The following RALYL variants were observed in gnomAD, a reference collection of about 807,000 sequenced individuals.
RALYL encodes the protein RNA-binding Raly-like protein.
In RALYL, 29 loss-of-function variants were observed where a neutral mutation model predicts 35.1. The ratio of observed to expected loss-of-function variants is 0.83; its 90% CI spans 0.61 to 1.13. The LOEUF (loss-of-function observed/expected upper bound fraction) is 1.13, where lower values mean the gene tolerates loss of function less well. RALYL is among the 50% of genes most tolerant of loss of function. The pLI, the probability that RALYL is intolerant of heterozygous loss-of-function variation, is 0.00. For missense variants in RALYL, 359 were observed against 360.4 expected (o/e 1.00, Z 0.03); for synonymous variants, 120 against 127.6 (o/e 0.94, Z 0.40).
intron 1 of RALYL, among the ~76,000 whole-genome samples, chr8:84,386,717 A>C (rs16912776): frequency 0.028 from 4,289 of 151,898 alleles, 197 homozygotes; most frequent in African/African-American, 0.097. Context: ...TCCATTGACT[A>C]CATATCATCT....
chr8:84,712,332 C>A (rs760426049), intron 2 of RALYL, among the ~76,000 whole-genome samples: 1 of 152,054 alleles, frequency 6.6e-6, no homozygotes, highest in Non-Finnish European at 1.5e-5. Flanking sequence ...GATAACACCC[C>A]GATACAGATT....
At chr8:84,737,498 A>G (rs1223989760) in intron 2 of RALYL, among the ~76,000 whole-genome samples, 3 of 151,980 alleles carry the variant, frequency 2.0e-5, no homozygotes, top group Non-Finnish European at 4.4e-5. Flanking sequence ...GACTAGTGCT[A>G]TTGGGGGAAC....
intron 1 of RALYL, among the ~76,000 whole-genome samples, chr8:84,506,546 G>A (rs1334343989): frequency 1.3e-5 from 2 of 152,086 alleles, no homozygotes; most frequent in Middle Eastern, 3.4e-3. Context: ...GCTTGGAAAT[G>A]TATTTAGTTG....
intron 2 of RALYL, among the ~76,000 whole-genome samples, chr8:84,741,425 G>A (rs1171005768): frequency 6.6e-6 from 1 of 152,048 alleles, no homozygotes; most frequent in African/African-American, 2.4e-5. Flanking sequence ...CATGGCCCTG[G>A]AGGTTGGGAA....
chr8:84,517,138 A>G (rs1230856881), intron 1 of RALYL, among the ~76,000 whole-genome samples: 1 of 152,116 alleles, frequency 6.6e-6, no homozygotes, highest in African/African-American at 2.4e-5. Flanking sequence ...TAAAATATAC[A>G]CTCCAGTTGA....
chr8:84,488,106 G>A (rs577175431), intron 1 of RALYL, among the ~76,000 whole-genome samples: 9 of 152,134 alleles, frequency 5.9e-5, no homozygotes, highest in African/African-American at 1.7e-4. Context: ...AATTTATCAT[G>A]AGATGATTTA....
intron 1 of RALYL, among the ~76,000 whole-genome samples, chr8:84,185,515 G>A (rs1812305466): frequency 6.6e-6 from 1 of 152,058 alleles, no homozygotes. Flanking sequence ...AGCCTTTTCT[G>A]TATTTAACAC....
chr8:84,448,066 A>G (rs935135521), intron 1 of RALYL, among the ~76,000 whole-genome samples: 2 of 152,052 alleles, frequency 1.3e-5, no homozygotes, highest in Non-Finnish European at 2.9e-5. Flanking sequence ...TTGTCATAAC[A>G]TATAGTTAAA....
At chr8:84,531,238 G>T (rs1198295119) in intron 2 of RALYL, among the ~76,000 whole-genome samples, 1 of 152,076 alleles carries the variant, frequency 6.6e-6, no homozygotes, top group Non-Finnish European at 1.5e-5. Context: ...TAAGAATATT[G>T]TGAATATTAT....
chr8:84,405,972 C>A (rs1469659014), intron 1 of RALYL, among the ~76,000 whole-genome samples: 1 of 147,472 alleles, frequency 6.8e-6, no homozygotes. Context: ...TGGATAATTA[C>A]CATAATCTAG....
At chr8:84,368,830 T>A (rs781114627) in intron 1 of RALYL, among the ~76,000 whole-genome samples, 5 of 152,086 alleles carry the variant, frequency 3.3e-5, no homozygotes, top group Non-Finnish European at 7.4e-5. Flanking sequence ...CCAAACCATA[T>A]CAGTCAGCAA....
At chr8:84,494,990 A>G in intron 1 of RALYL, among the ~76,000 whole-genome samples, 1 of 152,138 alleles carries the variant, frequency 6.6e-6, no homozygotes, top group Middle Eastern at 3.2e-3. Context: ...TTCAAAGGGA[A>G]TGCTTTCAGC....
At chr8:84,246,245 C>T (rs749363728) in intron 1 of RALYL, among the ~76,000 whole-genome samples, 24 of 152,040 alleles carry the variant, frequency 1.6e-4, no homozygotes, top group Non-Finnish European at 2.6e-4. Flanking sequence ...ATTACTTTTC[C>T]CCCACTTTCA....
intron 2 of RALYL, among the ~76,000 whole-genome samples, chr8:84,603,305 A>G (rs1423264186): frequency 2.0e-5 from 3 of 151,970 alleles, no homozygotes; most frequent in African/African-American, 7.2e-5. Context: ...GCTTGCTATT[A>G]TTATTGTTGT....
chr8:84,291,072 C>T (rs1365308696), intron 1 of RALYL, among the ~76,000 whole-genome samples: 1 of 152,034 alleles, frequency 6.6e-6, no homozygotes, highest in Non-Finnish European at 1.5e-5. Flanking sequence ...TGAAATGAAA[C>T]CCTACAAGCT....
intron 1 of RALYL, among the ~76,000 whole-genome samples, chr8:84,221,313 G>C (rs1822153561): frequency 1.3e-5 from 2 of 151,894 alleles, no homozygotes; most frequent in African/African-American, 4.8e-5. Flanking sequence ...GCATGTGCGT[G>C]CAAAGAGAAA....
At chr8:84,749,877 A>G (rs1243935598) in intron 2 of RALYL, among the ~76,000 whole-genome samples, 1 of 152,194 alleles carries the variant, frequency 6.6e-6, no homozygotes, top group Non-Finnish European at 1.5e-5. Flanking sequence ...AGGGAAGATG[A>G]GCTCTGGGCT....
intron 1 of RALYL, among the ~76,000 whole-genome samples, chr8:84,268,040 G>A (rs1243349076): frequency 1.3e-5 from 2 of 152,106 alleles, no homozygotes; most frequent in Admixed American, 6.5e-5. Context: ...TAAAGAATAG[G>A]TAATAAACAA....
At chr8:84,909,735 G>A (rs56313699) in intron 8 of RALYL, among the ~76,000 whole-genome samples, 7,557 of 152,116 alleles carry the variant, frequency 0.05, 255 homozygotes, top group African/African-American at 0.073. Flanking sequence ...CTTCCCTCAT[G>A]GTGCTGGTGT....
Sources: gnomAD v4.1 joint callset for allele counts (sites outside exome capture counted in the v4.1 genomes callset) on GRCh38, gnomAD v4.1.1 for gene constraint, MANE v1.5 for transcripts, NCBI Gene and HGNC (gene_info 2026-07-23, HGNC 2026-07-21) for gene names.